The following PTPRM variants were observed in gnomAD, a reference collection of about 807,000 sequenced individuals.
PTPRM encodes the protein protein tyrosine phosphatase receptor type M.
PTPRM carries 47 observed loss-of-function variants against 186.7 expected under a neutral mutation model. The ratio of observed to expected loss-of-function variants is 0.25; its 90% CI spans 0.20 to 0.32. PTPRM has a LOEUF of 0.32. Among genes scored for constraint, PTPRM ranks in the 10% least tolerant of loss-of-function variants. The pLI is 1.00. For synonymous variants in PTPRM, 668 were observed against 674.9 expected (o/e 0.99, Z 0.16); for missense variants, 1,494 against 1,865.0 (o/e 0.80, Z 3.66).
intron 23 of PTPRM, among the ~76,000 whole-genome samples, chr18:8,361,877 A>G (rs2095599071): frequency 6.6e-6 from 1 of 152,178 alleles, no homozygotes; most frequent in East Asian, 1.9e-4. Context: ...GGCTACAAAA[A>G]CTTTATCCGA....
chr18:8,213,451 G>T (rs1568534580), intron 14 of PTPRM, among the ~76,000 whole-genome samples: 3 of 152,186 alleles, frequency 2.0e-5, no homozygotes, highest in Non-Finnish European at 2.9e-5. Context: ...TGAAACTTTA[G>T]GATGGGGATT....
rs767445144 is a variant in PTPRM at position 8,087,272 on chromosome 18, AT to A, written c.1753+1406del. Among the ~76,000 whole-genome samples, 25 of 152,242 alleles carry A rather than the reference AT, an allele frequency of 1.6e-4. 1 individual carries two copies. Among genetic ancestry groups the A allele is most frequent in the Admixed American group, 7.9e-4 (12 of 15,276 alleles). ...CAAAGATTATTGTCATAATGAGTGT[AT>A]TTTTTGAATAAAATAATTCATTTTT... On this transcript the variant is annotated intron_variant, in intron 10 of 32. Coordinates refer to ENST00000580170, the MANE Select transcript of PTPRM (RefSeq NM_001105244.2).
At chr18:8,283,022 G>A (rs773226910) in intron 19 of PTPRM, among the ~76,000 whole-genome samples, 11 of 152,144 alleles carry the variant, frequency 7.2e-5, no homozygotes, top group Admixed American at 2.0e-4. Flanking sequence ...AAATGTTACC[G>A]AAATTAGAGA....
intron 1 of PTPRM, among the ~76,000 whole-genome samples, chr18:7,731,003 A>G (rs1179009096): frequency 6.6e-6 from 1 of 152,222 alleles, no homozygotes; most frequent in Non-Finnish European, 1.5e-5. Flanking sequence ...TTCAGCGTGA[A>G]CATCCCTCAT....
chr18:7,986,793 A>G (rs1295540468), intron 7 of PTPRM, among the ~76,000 whole-genome samples: 1 of 152,216 alleles, frequency 6.6e-6, no homozygotes, highest in African/African-American at 2.4e-5. Flanking sequence ...TCCTAACCCC[A>G]GTATTATAGA....
At chr18:7,706,471 G>A (rs973604256) in intron 1 of PTPRM, among the ~76,000 whole-genome samples, 22 of 151,642 alleles carry the variant, frequency 1.5e-4, no homozygotes, top group African/African-American at 5.3e-4. Flanking sequence ...TGGTGGTGGT[G>A]CACCTCTGTA....
At chr18:7,614,692 T>C (rs1306302962) in intron 1 of PTPRM, among the ~76,000 whole-genome samples, 2 of 152,204 alleles carry the variant, frequency 1.3e-5, no homozygotes, top group Non-Finnish European at 2.9e-5. Flanking sequence ...TTCAGTATAC[T>C]GTTCATTTTT....
At chr18:8,340,248 T>G (rs2095466866) in intron 22 of PTPRM, among the ~76,000 whole-genome samples, 1 of 152,196 alleles carries the variant, frequency 6.6e-6, no homozygotes, top group African/African-American at 2.4e-5. Context: ...CTGTACTTTT[T>G]TTTTCTTTCT....
At chr18:7,599,560 G>A (rs2037348668) in intron 1 of PTPRM, among the ~76,000 whole-genome samples, 1 of 152,120 alleles carries the variant, frequency 6.6e-6, no homozygotes, top group Admixed American at 6.5e-5. Flanking sequence ...ATTTCTTTCT[G>A]TGGCTTAAGT....
chr18:8,000,735 A>G (rs2083820063), intron 7 of PTPRM, among the ~76,000 whole-genome samples: 1 of 152,206 alleles, frequency 6.6e-6, no homozygotes, highest in African/African-American at 2.4e-5. Flanking sequence ...TCCATTTCAC[A>G]CCATATATCA....
intron 5 of PTPRM, among the ~76,000 whole-genome samples, chr18:7,941,839 A>G (rs2052194965): frequency 6.6e-6 from 1 of 152,218 alleles, no homozygotes; most frequent in Non-Finnish European, 1.5e-5. Flanking sequence ...TTTGCCAGTG[A>G]CTCTGAACAC....
At chr18:8,308,666 CAG>C (rs1313314390) in intron 20 of PTPRM, among the ~76,000 whole-genome samples, 4 of 152,166 alleles carry the variant, frequency 2.6e-5, no homozygotes, top group Admixed American at 2.6e-4. Flanking sequence ...ATGTGGCTAA[CAG>C]ATACCCTATT....
chr18:8,083,446 A>G (rs2090258056), intron 9 of PTPRM, among the ~76,000 whole-genome samples: 1 of 152,062 alleles, frequency 6.6e-6, no homozygotes, highest in Admixed American at 6.6e-5. Flanking sequence ...CTCCTTGGGA[A>G]AGTTCAAATC....
chr18:8,209,422 C>A (rs569635045), intron 14 of PTPRM, among the ~76,000 whole-genome samples: 2 of 152,260 alleles, frequency 1.3e-5, no homozygotes, highest in South Asian at 4.1e-4. Flanking sequence ...CTGAGGTTTT[C>A]AGCTTGAGCA....
rs150093404 is a variant in PTPRM, at chr18:8,354,437, A to G, written c.3054+10917A>G. Reference sequence around the variant, plus strand: ...ATCATGAGAACGAAGAGAAGACAGCATTTCAACAGGAAGGGGATAGCGACC... The same window carrying G: ...ATCATGAGAACGAAGAGAAGACAGCGTTTCAACAGGAAGGGGATAGCGACC... On this transcript the variant is annotated intron_variant, in intron 23 of 32. Coordinates refer to ENST00000580170, the MANE Select transcript of PTPRM (RefSeq NM_001105244.2). Among the ~76,000 whole-genome samples, 51 of 152,260 alleles carry G rather than the reference A, an allele frequency of 3.3e-4. 1 individual carries two copies. The East Asian group carries it at 7.5e-3, about 23-fold the overall frequency.
At position 8,131,242 on chromosome 18, in the gene PTPRM, C is replaced by T. The variant is rs554906983; in HGVS notation, c.2168-12405C>T. On this transcript the variant is annotated intron_variant, in intron 13 of 32. Transcript: ENST00000580170. ...TGGATGCTGTGGTCTCCAGGAGCAC[C>T]GAAGCAAGAGAGGGACATTATTATT... Among the ~76,000 whole-genome samples, 6 of 152,200 alleles carry T rather than the reference C, an allele frequency of 3.9e-5. No individual in the cohort carries two copies. The East Asian group carries it at 5.8e-4, about 15-fold the overall frequency.
intron 1 of PTPRM, among the ~76,000 whole-genome samples, chr18:7,582,609 C>G (rs1216531865): frequency 6.6e-6 from 1 of 152,170 alleles, no homozygotes; most frequent in Non-Finnish European, 1.5e-5. Context: ...GAGGGGTCTG[C>G]TAGGACCAGC....
chr18:7,968,436 G>C (rs1789402365), intron 7 of PTPRM, among the ~76,000 whole-genome samples: 1 of 128,744 alleles, frequency 7.8e-6, no homozygotes, highest in South Asian at 2.8e-4. Flanking sequence ...ATAATGACAG[G>C]ATCAAATTCA....
intron 7 of PTPRM, among the ~76,000 whole-genome samples, chr18:8,048,481 C>A (rs541784194): frequency 7.9e-5 from 12 of 151,862 alleles, no homozygotes; most frequent in Admixed American, 5.2e-4. Context: ...TCTGTCATCT[C>A]ATTCCCCAAG....
Sources: gnomAD v4.1 joint callset for allele counts (sites outside exome capture counted in the v4.1 genomes callset) on GRCh38, gnomAD v4.1.1 for gene constraint, MANE v1.5 for transcripts, NCBI Gene and HGNC (gene_info 2026-07-23, HGNC 2026-07-21) for gene names.